Variants in PLEKHG1 observed in about 807,000 individuals in gnomAD.
The protein encoded by PLEKHG1 is pleckstrin homology and RhoGEF domain containing G1, also known as pleckstrin homology domain-containing family G member 1.
In PLEKHG1, 44 loss-of-function variants were observed where a neutral mutation model predicts 100.8. The ratio of observed to expected loss-of-function variants is 0.44; its 90% CI spans 0.34 to 0.56. The LOEUF is 0.56. Ranked by LOEUF, PLEKHG1 falls within the 20% of genes least tolerant of loss-of-function variation. The pLI is 0.01. For synonymous variants in PLEKHG1, 640 were observed against 662.5 expected, an observed-to-expected ratio of 0.97 and a Z score of 0.52; for missense variants, 1,545 against 1,720.9, an observed-to-expected ratio of 0.90 and a Z score of 1.81.
chr6:150,805,868 G>C (rs1250060477), intron 7 of PLEKHG1, among the ~76,000 whole-genome samples: 2 of 152,070 alleles, frequency 1.3e-5, no homozygotes, highest in Non-Finnish European at 2.9e-5. Context: ...TTTGCTAAAG[G>C]CCTATCCAGC....
intron 2 of PLEKHG1, among the ~76,000 whole-genome samples, chr6:150,762,131 A>G (rs933018050): frequency 6.6e-6 from 1 of 151,834 alleles, no homozygotes; most frequent in African/African-American, 2.4e-5. Flanking sequence ...CACACATCAC[A>G]TTACCAGTAA....
chr6:150,797,109 C>T (rs960265392), intron 5 of PLEKHG1, among the ~76,000 whole-genome samples: 1 of 152,040 alleles, frequency 6.6e-6, no homozygotes, highest in Non-Finnish European at 1.5e-5. Context: ...CCTACCTCAA[C>T]CTCCTGAGTA....
upstream of PLEKHG1, among the ~76,000 whole-genome samples, chr6:150,720,834 G>A (rs1415462853): frequency 6.6e-6 from 1 of 152,174 alleles, no homozygotes; most frequent in Non-Finnish European, 1.5e-5. Context: ...GGCGAGTGTG[G>A]GTTGTATTTG....
chr6:150,776,330 GTTAT>G (rs777697633), intron 3 of PLEKHG1, among the ~76,000 whole-genome samples: 12 of 152,408 alleles, frequency 7.9e-5, no homozygotes, highest in Non-Finnish European at 1.5e-4. Flanking sequence ...CAATCTGTGA[GTTAT>G]TTCTTACTCC....
At chr6:150,797,834 C>CAAAAAA (rs58218481) in intron 5 of PLEKHG1, among the ~76,000 whole-genome samples, 2 of 23,882 alleles carry the variant, frequency 8.4e-5, no homozygotes, top group African/African-American at 1.8e-4. Flanking sequence ...GACTCTGTCT[C>CAAAAAA]AAAAAAAAAA....
At chr6:150,609,863 G>C (rs1008714448) in intron 1 of PLEKHG1, among the ~76,000 whole-genome samples, 2 of 152,190 alleles carry the variant, frequency 1.3e-5, no homozygotes, top group African/African-American at 4.8e-5. Flanking sequence ...AACGTGTGGG[G>C]CTTGGACAGC....
intron 1 of PLEKHG1, among the ~76,000 whole-genome samples, chr6:150,612,052 C>CG (rs986111734): frequency 1.1e-4 from 11 of 101,924 alleles, no homozygotes; most frequent in South Asian, 4.8e-4. Flanking sequence ...TGTTCCCCCC[C>CG]CCCCCCCCTT....
intron 2 of PLEKHG1, among the ~76,000 whole-genome samples, chr6:150,642,745 A>G (rs2128569123): frequency 6.6e-6 from 1 of 152,346 alleles, no homozygotes. Context: ...TTTTAGGAGT[A>G]GCACAGGTTG....
At chr6:150,651,076 C>T (rs1014395267) in intron 3 of PLEKHG1, 4 of 152,038 alleles carry the variant, frequency 2.6e-5, no homozygotes, top group Admixed American at 6.6e-5. Context: ...TTAGCAACAA[C>T]GAATAATAAA....
intron 3 of PLEKHG1, among the ~76,000 whole-genome samples, chr6:150,699,415 G>A (rs1780677796): frequency 6.6e-6 from 1 of 152,188 alleles, no homozygotes; most frequent in African/African-American, 2.4e-5. Flanking sequence ...TCTTGTAGAC[G>A]TTGATGCTCC....
At chr6:150,631,855 AGGGAACTGGGCATG>A (rs1275637265) in intron 1 of PLEKHG1, among the ~76,000 whole-genome samples, 3 of 152,174 alleles carry the variant, frequency 2.0e-5, no homozygotes, top group Admixed American at 6.5e-5. Flanking sequence ...GAGAAGCCCC[AGGGAACTGGGCATG>A]GGGAACTGGG....
intron 2 of PLEKHG1, among the ~76,000 whole-genome samples, chr6:150,734,618 A>C (rs1436925389): frequency 1.3e-5 from 2 of 152,162 alleles, no homozygotes; most frequent in Non-Finnish European, 2.9e-5. Context: ...TAATGTGCAG[A>C]GAGGTTTGCA....
intron 3 of PLEKHG1, among the ~76,000 whole-genome samples, chr6:150,667,538 A>G (rs1357924851): frequency 6.6e-6 from 1 of 152,248 alleles, no homozygotes; most frequent in Non-Finnish European, 1.5e-5. Flanking sequence ...TCTGAAGTAC[A>G]GAATCCAAGG....
At chr6:150,715,785 C>T (rs1386865549) in intron 3 of PLEKHG1, among the ~76,000 whole-genome samples, 3 of 150,220 alleles carry the variant, frequency 2.0e-5, no homozygotes, top group Non-Finnish European at 4.4e-5. Context: ...TGCCTGGCCC[C>T]TCACATTTAT....
chr6:150,752,974 A>G (rs1283132122), intron 2 of PLEKHG1, among the ~76,000 whole-genome samples: 1 of 152,124 alleles, frequency 6.6e-6, no homozygotes, highest in Non-Finnish European at 1.5e-5. Context: ...TTAGCTAGGC[A>G]TGATGGTGCC....
At chr6:150,757,690 TTTC>T (rs1003816327) in intron 2 of PLEKHG1, among the ~76,000 whole-genome samples, 18 of 152,284 alleles carry the variant, frequency 1.2e-4, no homozygotes, top group South Asian at 8.3e-4. Flanking sequence ...GGATTCTTTT[TTTC>T]TTCTTCTTCT....
At chr6:150,750,594 A>C (rs532273263) in intron 2 of PLEKHG1, among the ~76,000 whole-genome samples, 2 of 151,652 alleles carry the variant, frequency 1.3e-5, no homozygotes, top group South Asian at 2.1e-4. Context: ...TCCCGGCTAA[A>C]ACGGTGAAAC....
intron 1 of PLEKHG1, among the ~76,000 whole-genome samples, chr6:150,723,589 T>C (rs6937362): frequency 0.2 from 30,318 of 152,060 alleles, 4,334 homozygotes; most frequent in African/African-American, 0.4. Context: ...TGCTTTTTTT[T>C]CCCCATCTAT....
chr6:150,830,379 T>C (rs1035462149), intron 14 of PLEKHG1, among the ~76,000 whole-genome samples: 7 of 152,162 alleles, frequency 4.6e-5, no homozygotes, highest in African/African-American at 1.7e-4. Context: ...TGCCAGCTAC[T>C]TGGGAGGCTG....
Sources: gnomAD v4.1 joint callset for allele counts (sites outside exome capture counted in the v4.1 genomes callset) on GRCh38, gnomAD v4.1.1 for gene constraint, MANE v1.5 for transcripts, NCBI Gene and HGNC (gene_info 2026-07-23, HGNC 2026-07-21) for gene names.